Variants in CPNE8 observed in about 807,000 individuals in gnomAD.
The protein encoded by CPNE8 is copine 8, also known as copine-8.
In CPNE8, 45 loss-of-function variants were observed where a neutral mutation model predicts 81.5. That is an observed-to-expected ratio of 0.55 (90% CI 0.44 to 0.71). The LOEUF is 0.71. Ranked by LOEUF, CPNE8 falls within the 30% of genes least tolerant of loss-of-function variation. The pLI is 0.00. For missense variants in CPNE8, 594 were observed against 672.1 expected, an observed-to-expected ratio of 0.88 and a Z score of 1.28; for synonymous variants, 252 against 226.3, an observed-to-expected ratio of 1.11 and a Z score of -1.02.
intron 14 of CPNE8, among the ~76,000 whole-genome samples, chr12:38,700,395 C>T (rs1050252634): frequency 2.6e-5 from 4 of 151,968 alleles, no homozygotes; most frequent in South Asian, 4.2e-4. Context: ...TGTGACAACA[C>T]GCCTGGCTAA....
chr12:38,755,912 C>A (rs1167609842), intron 10 of CPNE8, among the ~76,000 whole-genome samples: 1 of 150,590 alleles, frequency 6.6e-6, no homozygotes, highest in Non-Finnish European at 1.5e-5. Flanking sequence ...TAGTGGCGGG[C>A]GCCTGTAGTC....
chr12:38,717,215 T>A (rs1940417615), intron 13 of CPNE8, among the ~76,000 whole-genome samples: 1 of 151,698 alleles, frequency 6.6e-6, no homozygotes, highest in Non-Finnish European at 1.5e-5. Context: ...ACAACCACTA[T>A]GGAAAACAGT....
At chr12:38,764,413 C>A (rs1253396420) in intron 8 of CPNE8, among the ~76,000 whole-genome samples, 2 of 151,162 alleles carry the variant, frequency 1.3e-5, no homozygotes, top group African/African-American at 4.9e-5. Context: ...GTCAGGAGAT[C>A]GAGACCATCC....
chr12:38,796,917 C>T (rs1484350109), intron 6 of CPNE8, among the ~76,000 whole-genome samples: 3 of 152,180 alleles, frequency 2.0e-5, no homozygotes, highest in Non-Finnish European at 2.9e-5. Context: ...CTCAGAGGGT[C>T]CTACGTCCAT....
At chr12:38,655,106 A>G (rs993661676) in intron 19 of CPNE8, among the ~76,000 whole-genome samples, 2 of 152,210 alleles carry the variant, frequency 1.3e-5, no homozygotes, top group African/African-American at 2.4e-5. Flanking sequence ...AACAACATAT[A>G]TTAGGTTGGA....
intron 4 of CPNE8, among the ~76,000 whole-genome samples, chr12:38,845,405 A>C (rs551008954): frequency 6.6e-6 from 1 of 152,114 alleles, no homozygotes; most frequent in Non-Finnish European, 1.5e-5. Flanking sequence ...TAATCTCTGT[A>C]TGTATTTACT....
At chr12:38,859,712 TAAC>T (rs1362013286) in intron 3 of CPNE8, among the ~76,000 whole-genome samples, 1 of 152,112 alleles carries the variant, frequency 6.6e-6, no homozygotes, top group African/African-American at 2.4e-5. Flanking sequence ...ATAGTACTGA[TAAC>T]AACAGCCACA....
rs544134645 is a variant in CPNE8, at chr12:38,901,605, T to G, written c.98+3832A>C. 9.2e-5 allele frequency among the ~76,000 whole-genome samples: 14 copies of G among 152,216 alleles called. 1 individual carries two copies. The South Asian group carries it at 2.9e-3, about 32-fold the overall frequency. ...TACAAATTTATACAATAAAAGAAAA[T>G]GAATGCAAGAAGAGCTAGACAATGG... On this transcript the variant is annotated intron_variant, in intron 1 of 19. Transcript: ENST00000331366.
chr12:38,749,183 C>G (rs920269920), intron 10 of CPNE8, among the ~76,000 whole-genome samples: 1 of 152,128 alleles, frequency 6.6e-6, no homozygotes, highest in South Asian at 2.1e-4. Context: ...GGGAGTCTCC[C>G]TGCACAAGTT....
intron 13 of CPNE8, among the ~76,000 whole-genome samples, chr12:38,717,460 C>CTATAT (rs1565581522): frequency 7.0e-5 from 3 of 43,160 alleles, no homozygotes; most frequent in African/African-American, 1.9e-4. Flanking sequence ...TATATATATA[C>CTATAT]ACCATGGAAT....
intron 2 of CPNE8, among the ~76,000 whole-genome samples, chr12:38,873,529 G>A (rs998517095): frequency 6.6e-6 from 1 of 152,120 alleles, no homozygotes; most frequent in African/African-American, 2.4e-5. Context: ...ACCAAGAAAG[G>A]AATTCCCAAA....
upstream of CPNE8, chr12:38,906,711 C>T (rs1232780376): frequency 1.7e-6 from 1 of 599,262 alleles, no homozygotes; most frequent in Middle Eastern, 8.5e-4. Context: ...AGGCGCCCCT[C>T]CACTGCAGGG....
intron 1 of CPNE8, among the ~76,000 whole-genome samples, chr12:38,897,595 G>A (rs1360822671): frequency 6.7e-6 from 1 of 150,294 alleles, no homozygotes; most frequent in Admixed American, 6.6e-5. Flanking sequence ...GAAAAATATT[G>A]TATAGAATAT....
At chr12:38,733,845 A>G (rs1940892655) in intron 10 of CPNE8, among the ~76,000 whole-genome samples, 1 of 151,994 alleles carries the variant, frequency 6.6e-6, no homozygotes, top group Non-Finnish European at 1.5e-5. Context: ...TCTATGCTCC[A>G]TTAATAGTGG....
intron 10 of CPNE8, among the ~76,000 whole-genome samples, chr12:38,742,711 T>TAAATAAATAAAAAAAA (rs59403727): frequency 6.9e-6 from 1 of 145,474 alleles, no homozygotes. Flanking sequence ...AATAAATAAA[T>TAAATAAATAAAAAAAA]ATAAAACATA....
In CPNE8 at chr12:38,725,529, G is replaced by A. The variant is rs181016832; in HGVS notation, c.799-630C>T. Among the ~76,000 whole-genome samples, 134 of 152,310 alleles carry A rather than the reference G, an allele frequency of 8.8e-4. 1 individual carries two copies. Among genetic ancestry groups the A allele is most frequent in the African/African-American group, 2.9e-3 (122 of 41,568 alleles). On this transcript the variant is annotated intron_variant, in intron 11 of 19. Coordinates refer to ENST00000331366, the MANE Select transcript of CPNE8 (RefSeq NM_153634.3). The stretch of plus-strand genomic sequence containing the variant: ...GACCTGCCGATCTAATGGGATAAAC[G>A]TAATACATAATTGCCTGAGGAGAGA...
intron 1 of CPNE8, among the ~76,000 whole-genome samples, chr12:38,886,908 T>A (rs1944245267): frequency 6.6e-6 from 1 of 152,038 alleles, no homozygotes; most frequent in Admixed American, 6.5e-5. Flanking sequence ...AACTGTGGGG[T>A]GTGTGCCCAC....
At chr12:38,752,074 A>G (rs1206966141) in intron 10 of CPNE8, among the ~76,000 whole-genome samples, 5 of 152,240 alleles carry the variant, frequency 3.3e-5, no homozygotes, top group Non-Finnish European at 7.3e-5. Context: ...TTTCATAAAC[A>G]TCTGTGTTTA....
chr12:38,731,468 G>A (rs1157435868), intron 10 of CPNE8, among the ~76,000 whole-genome samples: 1 of 151,824 alleles, frequency 6.6e-6, no homozygotes, highest in Non-Finnish European at 1.5e-5. Flanking sequence ...CTTAATTTTA[G>A]TAGAGTTTTT....
Sources: gnomAD v4.1 joint callset for allele counts (sites outside exome capture counted in the v4.1 genomes callset) on GRCh38, gnomAD v4.1.1 for gene constraint, MANE v1.5 for transcripts, NCBI Gene and HGNC (gene_info 2026-07-23, HGNC 2026-07-21) for gene names.